Variants in BROX observed in about 807,000 individuals in gnomAD.
BROX encodes the protein BRO1 domain-containing protein BROX.
BROX carries 53 observed loss-of-function variants against 61.0 expected under a neutral mutation model. The ratio of observed to expected loss-of-function variants is 0.87; its 90% CI spans 0.70 to 1.09. The LOEUF is 1.09. Ranked by LOEUF, BROX falls within the 50% of genes least tolerant of loss-of-function variation. The pLI, the probability that BROX is intolerant of heterozygous loss-of-function variation, is 0.00. For synonymous variants in BROX, 152 were observed against 160.2 expected (o/e 0.95, Z 0.38); for missense variants, 489 against 472.0 (o/e 1.04, Z -0.33).
At chr1:222,731,647 T>TA in intron 12 of BROX, 131 bp downstream of exon 12, 1 of 919,694 alleles carries the variant, frequency 1.1e-6, no homozygotes, top group Non-Finnish European at 1.6e-6. Flanking sequence ...AGTTATATAG[T>TA]GCTTAATGTA....
rs796814438 is a variant in BROX at position 222,733,063 on chromosome 1, C to CTTTTTTTTTTTTTTT, written c.*361_*362insTTTTTTTTTTTTTTT. 1 of 104,882 alleles carries CTTTTTTTTTTTTTTT rather than the reference C, an allele frequency of 9.5e-6. No individual in the cohort carries two copies. Among genetic ancestry groups the CTTTTTTTTTTTTTTT allele is most frequent in the African/African-American group, 3.7e-5 (1 of 27,242 alleles). 6.5% of individuals were successfully genotyped at this position (104,882 alleles called of 1,614,324 possible). On this transcript the variant is annotated 3_prime_UTR_variant, in exon 13 of 13. Coordinates refer to ENST00000340934, the MANE Select transcript of BROX (RefSeq NM_144695.4). ...AGGTATGTTTTTCTTTTTTCTTTTT[C>CTTTTTTTTTTTTTTT]TTTTTTTTTTTTCTTTTTTTTTTTT...
chr1:222,712,728 C>T lies in BROX; in HGVS notation c.-231C>T. 2 of 1,290,764 alleles carry T rather than the reference C, an allele frequency of 1.5e-6. No homozygotes were observed. The highest frequency in any genetic ancestry group is 1.2e-5 in the South Asian group (1 of 80,970). The allele number at this position is 1,290,764 out of a possible 1,614,324, so 80.0% of individuals were successfully genotyped here. On this transcript the variant is annotated 5_prime_UTR_variant, in exon 1 of 13. Transcript: ENST00000340934. ...GAAGCGTTTTGAGGGGACTGCAACG[C>T]CGCGGCAATACCCGCCCCTGAGCTG... is the stretch of plus-strand genomic sequence containing the variant.
At chr1:222,719,947 T>G (rs1158423580) in intron 4 of BROX, among the ~76,000 whole-genome samples, 2 of 152,212 alleles carry the variant, frequency 1.3e-5, no homozygotes, top group African/African-American at 4.8e-5. Flanking sequence ...CCTACTGTTT[T>G]TCAACACCAT....
intron 8 of BROX, among the ~76,000 whole-genome samples, chr1:222,728,351 G>T (rs1657666031): frequency 6.6e-6 from 1 of 152,110 alleles, no homozygotes; most frequent in African/African-American, 2.4e-5. Context: ...TCAGTGATGG[G>T]GGTAGAGAGG....
intron 5 of BROX, 24 bp downstream of exon 5, chr1:222,722,538 G>T: frequency 6.8e-7 from 1 of 1,466,806 alleles, no homozygotes; most frequent in Non-Finnish European, 9.5e-7. Context: ...AGAGGATTGT[G>T]TACATCTGTG....
intron 12 of BROX, 112 bp from the exon 13 acceptor site, chr1:222,732,516 C>T: frequency 1.5e-6 from 1 of 658,960 alleles, no homozygotes; most frequent in Non-Finnish European, 2.6e-6. Flanking sequence ...TGTCAGTATC[C>T]ATGTTATGTA....
At chr1:222,714,754 G>T in intron 1 of BROX, among the ~76,000 whole-genome samples, 1 of 151,680 alleles carries the variant, frequency 6.6e-6, no homozygotes, top group South Asian at 2.1e-4. Context: ...ATCCCCGGCT[G>T]ATTTTTGTAG....
intron 5 of BROX, 23 bp downstream of exon 5, chr1:222,722,537 T>C: frequency 1.4e-6 from 2 of 1,467,968 alleles, no homozygotes; most frequent in Non-Finnish European, 1.9e-6. Flanking sequence ...GAGAGGATTG[T>C]GTACATCTGT....
chr1:222,728,954 A>G, intron 9 of BROX, 126 bp downstream of exon 9: 3 of 593,712 alleles, frequency 5.1e-6, no homozygotes, highest in Non-Finnish European at 8.4e-6. Context: ...AACTCTCAGT[A>G]AATGTTCACT....
At position 222,725,513 on chromosome 1, in the gene BROX, A is replaced by G; in HGVS notation, c.538A>G (p.Ile180Val). 2 of 1,613,322 alleles carry G rather than the reference A, an allele frequency of 1.2e-6. No homozygotes were observed. The highest frequency in any genetic ancestry group is 1.7e-6 in the Non-Finnish European group (2 of 1,179,634). Residue 180 changes from isoleucine to valine, a missense_variant, in exon 7 of 13, where the codon ATA becomes GTA. Coordinates refer to ENST00000340934, the MANE Select transcript of BROX (RefSeq NM_144695.4). Reference protein sequence around the residue: ...EKGRDLESRLIEAYVIQCQAE... With the variant: ...EKGRDLESRLVEAYVIQCQAE... ...AGGAAGAGATTTAGAGTCACGACTCATAGAAGCATACGTTATTCAATGTCA... is the reference window on the plus strand; with the variant it reads ...AGGAAGAGATTTAGAGTCACGACTCGTAGAAGCATACGTTATTCAATGTCA...
chr1:222,732,538 C>T lies in BROX; in HGVS notation c.1150-90C>T, dbSNP rs1658020148. ...ATCCATGTTATGTAATTTAATATAG[C>T]ATCTTTTAAAAGTCTGAAGTGGAAA... On this transcript the variant is annotated intron_variant, in intron 12 of 12. Transcript: ENST00000340934. 3.6e-6 allele frequency: 3 copies of T among 830,140 alleles called. No homozygotes were observed. The Admixed American group carries it at 8.1e-5, about 22-fold the overall frequency. 51.4% of individuals were successfully genotyped at this position (830,140 alleles called of 1,614,324 possible). A position where few individuals can be genotyped will look rare whatever the true frequency, so the allele number is the denominator to read the frequency against.
rs375089146 is a variant in BROX, at chr1:222,731,418, G to T, written c.1051G>T (p.Val351Leu). The change falls in exon 12 of 13, where the codon GTA (valine) becomes TTA (leucine). Residue 351 changes from valine to leucine, a missense_variant. Val to Leu is a conservative substitution (Grantham distance 32). Transcript: ENST00000340934. ...GGAACTCAAAGCAAATTATGGTCTC[G>T]TAGAGCCTATACCTTTCGAATTTCC... ...QLELKANYGL[V>L]EPIPFEFPPT... The T allele has an allele frequency of 1.9e-6, 3 of 1,593,728 alleles. No individual in the cohort carries two copies. The highest frequency in any genetic ancestry group is 1.4e-5 in the African/African-American group (1 of 73,542).
intron 2 of BROX, chr1:222,717,846 G>A (rs1656751074): frequency 6.6e-6 from 1 of 152,182 alleles, no homozygotes; most frequent in Admixed American, 6.5e-5. Context: ...TTGAATATGT[G>A]CTTTATCCTA....
intron 1 of BROX, chr1:222,713,480 C>G (rs970510067): frequency 5.2e-6 from 5 of 967,552 alleles, no homozygotes; most frequent in Non-Finnish European, 6.1e-6. Context: ...CGGGAGTCCT[C>G]TTGTGGAAGT....
chr1:222,727,765 G>A (rs1050617273), intron 8 of BROX, among the ~76,000 whole-genome samples: 6 of 152,100 alleles, frequency 3.9e-5, no homozygotes, highest in South Asian at 4.1e-4. Context: ...ATGTAACCCC[G>A]TTATTATATC....
At chr1:222,714,994 A>G (rs75019087) in intron 1 of BROX, among the ~76,000 whole-genome samples, 17 of 152,366 alleles carry the variant, frequency 1.1e-4, no homozygotes, top group South Asian at 2.1e-4. Flanking sequence ...AACACATGCT[A>G]TAACCAATCC....
intron 11 of BROX, 64 bp from the exon 12 acceptor site, chr1:222,731,293 G>T: frequency 7.3e-7 from 1 of 1,372,968 alleles, no homozygotes; most frequent in Non-Finnish European, 9.8e-7. Flanking sequence ...ACAGGACCTT[G>T]AACATATTAG....
intron 1 of BROX, among the ~76,000 whole-genome samples, chr1:222,714,281 G>A (rs1220167273): frequency 1.4e-5 from 2 of 144,090 alleles, no homozygotes; most frequent in Admixed American, 1.4e-4. Context: ...GTGCCATCTC[G>A]GCTCACTGCA....
At chr1:222,727,767 TA>T (rs1657616985) in intron 8 of BROX, among the ~76,000 whole-genome samples, 1 of 152,194 alleles carries the variant, frequency 6.6e-6, no homozygotes, top group African/African-American at 2.4e-5. Flanking sequence ...GTAACCCCGT[TA>T]TTATATCCTG....
Sources: gnomAD v4.1 joint callset for allele counts (sites outside exome capture counted in the v4.1 genomes callset) on GRCh38, gnomAD v4.1.1 for gene constraint, MANE v1.5 for transcripts, NCBI Gene and HGNC (gene_info 2026-07-23, HGNC 2026-07-21) for gene names.